Variants in ZEB2 observed in about 807,000 individuals in gnomAD.
The protein encoded by ZEB2 is zinc finger E-box binding homeobox 2.
In ZEB2, 6 loss-of-function variants were observed where a neutral mutation model predicts 99.9. The observed-to-expected ratio is 0.06, with a 90% CI of 0.03 to 0.12. The LOEUF (loss-of-function observed/expected upper bound fraction) is 0.12. ZEB2 is among the 10% of genes least tolerant of loss of function. ZEB2 has a pLI of 1.00. For missense variants in ZEB2, 969 were observed against 1,502.8 expected, an observed-to-expected ratio of 0.64 and a Z score of 5.87; for synonymous variants, 517 against 542.5, an observed-to-expected ratio of 0.95 and a Z score of 0.65.
At chr2:144,447,954 T>C (rs1226478089) in intron 2 of ZEB2, among the ~76,000 whole-genome samples, 9 of 152,162 alleles carry the variant, frequency 5.9e-5, no homozygotes, top group Non-Finnish European at 1.3e-4. Flanking sequence ...TGCCTCCATG[T>C]CCTCCTTTAT....
In ZEB2 at chr2:144,517,614, TTTG is replaced by T. The variant is rs760541443; in HGVS notation, c.-69-198_-69-196del. The T allele has an allele frequency of 0.066, 37,811 of 570,178 alleles. 1,441 individuals are homozygous for T. The highest frequency in any genetic ancestry group is 0.17 in the Middle Eastern group (600 of 3,448). 35.3% of individuals were successfully genotyped at this position (570,178 alleles called of 1,614,324 possible). On this transcript the variant is annotated intron_variant, in intron 1 of 9. Coordinates refer to ENST00000627532, the MANE Select transcript of ZEB2 (RefSeq NM_014795.4). ...CCGAGGCGCTTTGTGTTTGTTACTGTTTGGTGTGTTGCACCCGCGAGGGGATCA... is the reference window on the plus strand; with the variant it reads ...CCGAGGCGCTTTGTGTTTGTTACTGTGTGTGTTGCACCCGCGAGGGGATCA...
At chr2:144,454,921 A>G (rs1704101135) in intron 2 of ZEB2, 2 of 152,142 alleles carry the variant, frequency 1.3e-5, no homozygotes, top group African/African-American at 4.8e-5. Context: ...CACACCCTCT[A>G]TGCTAAATCT....
chr2:144,518,052 A>C, intron 1 of ZEB2: 1 of 217,080 alleles, frequency 4.6e-6, no homozygotes, highest in South Asian at 5.9e-5. Flanking sequence ...GATAAATATA[A>C]TTATAAGCCT....
At chr2:144,405,093 T>A in intron 4 of ZEB2, 69 bp from the exon 5 acceptor site, 1 of 1,511,706 alleles carries the variant, frequency 6.6e-7, no homozygotes, top group Non-Finnish European at 9.1e-7. Flanking sequence ...TCCATCTCCA[T>A]CATAGCCAGT....
chr2:144,429,566 C>A, intron 3 of ZEB2: 1 of 755,732 alleles, frequency 1.3e-6, no homozygotes, highest in Non-Finnish European at 2.1e-6. Context: ...AAATATAATC[C>A]CTTCCTAAGA....
At chr2:144,436,515 A>G (rs1319911041) in intron 2 of ZEB2, among the ~76,000 whole-genome samples, 2 of 152,196 alleles carry the variant, frequency 1.3e-5, no homozygotes, top group African/African-American at 4.8e-5. Flanking sequence ...TGCAGTGGAG[A>G]GAGGCCAGTT....
In ZEB2 at chr2:144,387,492, C is replaced by T. The variant is rs1341879991; in HGVS notation, c.*1959G>A. The T allele has an allele frequency of 1.3e-5, 2 of 152,112 alleles. No homozygotes were observed. Among genetic ancestry groups the T allele is most frequent in the African/African-American group, 2.4e-5 (1 of 41,434 alleles). The allele number at this position is 152,112 out of a possible 1,614,324, so 9.4% of individuals were successfully genotyped here. ...AGAAAATCACGGTTATTTTTGTTAGCATTTGCTTTTAGCTTTTCCTCTCCC... is the reference window on the plus strand; with the variant it reads ...AGAAAATCACGGTTATTTTTGTTAGTATTTGCTTTTAGCTTTTCCTCTCCC... On this transcript the variant is annotated 3_prime_UTR_variant, in exon 10 of 10. Coordinates refer to ENST00000627532, the MANE Select transcript of ZEB2 (RefSeq NM_014795.4).
chr2:144,475,149 C>G (rs1704413374), intron 2 of ZEB2, among the ~76,000 whole-genome samples: 1 of 152,182 alleles, frequency 6.6e-6, no homozygotes, highest in South Asian at 2.1e-4. Context: ...GGTTTTCTCA[C>G]TCTCTACCTC....
chr2:144,469,386 A>G (rs1280617296), intron 2 of ZEB2, among the ~76,000 whole-genome samples: 2 of 152,152 alleles, frequency 1.3e-5, no homozygotes, highest in African/African-American at 2.4e-5. Flanking sequence ...AGATGTATCC[A>G]GCTTCATTTT....
In ZEB2 at chr2:144,396,543, A is replaced by T; in HGVS notation, c.2936T>A (p.Met979Lys). 2 of 1,614,060 alleles carry T rather than the reference A, an allele frequency of 1.2e-6. No individual in the cohort carries two copies. The highest frequency in any genetic ancestry group is 1.7e-6 in the Non-Finnish European group (2 of 1,179,992). The change falls in exon 9 of 10, where the codon ATG (methionine) becomes AAG (lysine). Residue 979 changes from methionine to lysine, a missense_variant. Coordinates refer to ENST00000627532, the MANE Select transcript of ZEB2 (RefSeq NM_014795.4). ...AGACAGACAGGAGTCGGAGTCTGTC[A>T]TATCATCTAGGCCTGACATGTAGTC... ...AQDYMSGLDDMTDSDSCLSRK... is the reference protein window; with the variant it reads ...AQDYMSGLDDKTDSDSCLSRK...
At chr2:144,462,764 C>T (rs1033526590) in intron 2 of ZEB2, 1 of 152,146 alleles carries the variant, frequency 6.6e-6, no homozygotes, top group Non-Finnish European at 1.5e-5. Context: ...ACATTTCTAG[C>T]ACTGCAAAGA....
intron 2 of ZEB2, among the ~76,000 whole-genome samples, chr2:144,440,515 A>ATATACATATT (rs1703899127): frequency 3.0e-5 from 1 of 32,846 alleles, no homozygotes; most frequent in African/African-American, 7.9e-5. Context: ...ATATATATAT[A>ATATACATATT]TTTTTTTTTT....
In ZEB2 at chr2:144,389,732, A is replaced by G; in HGVS notation, c.3364T>C (p.Ser1122Pro). The G allele has an allele frequency of 6.2e-7, 1 of 1,612,382 alleles. No individual in the cohort carries two copies. The highest frequency in any genetic ancestry group is 8.5e-7 in the Non-Finnish European group (1 of 1,179,004). ...ATACTCTCCCTCTCCTCCGAGTCAG[A>G]GTACCCCTGAGGGGTAATGCTCTGC... Reference protein sequence around the residue: ...YLQSITPQGYSDSEERESMPR... With the variant: ...YLQSITPQGYPDSEERESMPR... The change falls in exon 10 of 10, where the codon TCT (serine) becomes CCT (proline). Residue 1122 changes from serine (S) to proline (P), a missense_variant. Physicochemically the swap from Ser to Pro is moderately conservative, Grantham distance 74. Transcript: ENST00000627532. The surrounding 1 kb of genome is among the most constrained non-coding windows in gnomAD (Gnocchi z 6.8).
At chr2:144,439,143 A>G (rs529553254) in intron 2 of ZEB2, among the ~76,000 whole-genome samples, 1 of 152,014 alleles carries the variant, frequency 6.6e-6, no homozygotes, top group East Asian at 1.9e-4. Context: ...GAAAAAAAAA[A>G]AAAAAAAAAA....
chr2:144,433,922 T>C (rs1703805314), intron 2 of ZEB2, among the ~76,000 whole-genome samples: 1 of 152,190 alleles, frequency 6.6e-6, no homozygotes. Flanking sequence ...TTTGCAAAAA[T>C]GGCCTATCAT....
intron 2 of ZEB2, among the ~76,000 whole-genome samples, chr2:144,493,043 C>T: frequency 6.6e-6 from 1 of 152,110 alleles, no homozygotes; most frequent in East Asian, 1.9e-4. Context: ...GGAGGAGATG[C>T]TGTTTCTATA....
chr2:144,459,677 G>A (rs1055332571), intron 2 of ZEB2, among the ~76,000 whole-genome samples: 9 of 152,162 alleles, frequency 5.9e-5, no homozygotes, highest in African/African-American at 1.7e-4. Context: ...AGCACTGGTC[G>A]TTATTATTTC....
At chr2:144,410,390 T>C (rs758730523) in intron 4 of ZEB2, among the ~76,000 whole-genome samples, 9 of 152,188 alleles carry the variant, frequency 5.9e-5, no homozygotes, top group Non-Finnish European at 1.2e-4. Flanking sequence ...TCTTTATGGC[T>C]GCGTTAGATA....
rs560173921 is a variant in ZEB2 at position 144,484,494 on chromosome 2, A to T, written c.73+32784T>A. On this transcript the variant is annotated intron_variant, in intron 2 of 9. Transcript: ENST00000627532. The stretch of plus-strand genomic sequence containing the variant: ...GATCCCAGATCTTCACAGATCGGTC[A>T]GCCCACTCTGATGGAAACTAGTGGA... Among the ~76,000 whole-genome samples the T allele has an allele frequency of 3.9e-5, 6 of 152,328 alleles. No individual in the cohort carries two copies. In the South Asian group the frequency reaches 1.2e-3, roughly 32 times the overall value.
Sources: gnomAD v4.1 joint callset for allele counts (sites outside exome capture counted in the v4.1 genomes callset) on GRCh38, gnomAD v4.1.1 for gene constraint, Gnocchi (gnomAD v3.1) non-coding constraint, MANE v1.5 for transcripts, NCBI Gene and HGNC (gene_info 2026-07-23, HGNC 2026-07-21) for gene names.